The following PARVB variants were observed in gnomAD, a reference collection of about 807,000 sequenced individuals.
PARVB encodes the protein beta-parvin.
Under a neutral mutation model 47.0 loss-of-function variants are expected in PARVB, and 46 were observed. The observed-to-expected ratio is 0.98, with a 90% confidence interval of 0.77 to 1.25. The LOEUF (loss-of-function observed/expected upper bound fraction) is 1.25. Ranked by LOEUF, PARVB falls within the 50% of genes most tolerant of loss-of-function variation. The pLI, the probability that PARVB is intolerant of heterozygous loss-of-function variation, is 0.00. For missense variants in PARVB, 473 were observed against 471.6 expected, an observed-to-expected ratio of 1.00 and a Z score of -0.03; for synonymous variants, 196 against 196.3, an observed-to-expected ratio of 1.00 and a Z score of 0.01.
intron 2 of PARVB, among the ~76,000 whole-genome samples, chr22:44,016,205 T>G (rs1226166246): frequency 2.6e-5 from 4 of 151,340 alleles, no homozygotes; most frequent in African/African-American, 9.7e-5. Context: ...TACGCAATTC[T>G]CCTGCCTCAG....
At chr22:44,166,404 C>G (rs566133187) in intron 12 of PARVB, among the ~76,000 whole-genome samples, 1 of 152,376 alleles carries the variant, frequency 6.6e-6, no homozygotes, top group African/African-American at 2.4e-5. Context: ...GCCACCACAC[C>G]TGGCCCTTTG....
intron 1 of PARVB, among the ~76,000 whole-genome samples, chr22:44,070,805 G>A (rs573020971): frequency 9.2e-5 from 14 of 152,298 alleles, no homozygotes; most frequent in Admixed American, 2.6e-4. Flanking sequence ...GACCCTGCCC[G>A]CACCTCCTGG....
intron 3 of PARVB, among the ~76,000 whole-genome samples, chr22:44,118,141 A>T (rs1255189301): frequency 6.6e-6 from 1 of 152,218 alleles, no homozygotes; most frequent in Non-Finnish European, 1.5e-5. Context: ...AATACCTAAA[A>T]AGGGGTGATA....
chr22:44,134,767 A>G (rs2053406899), intron 6 of PARVB, among the ~76,000 whole-genome samples: 1 of 152,162 alleles, frequency 6.6e-6, no homozygotes. Flanking sequence ...GGAAGGAAGG[A>G]AAGGGCCTTA....
At chr22:44,146,541 G>A (rs1038028891) in intron 8 of PARVB, 3 of 152,338 alleles carry the variant, frequency 2.0e-5, no homozygotes, top group Non-Finnish European at 2.9e-5. Context: ...GGCTGGGCAG[G>A]GGGGTGTGAG....
intron 1 of PARVB, among the ~76,000 whole-genome samples, chr22:44,080,614 G>A (rs1218782778): frequency 1.3e-5 from 2 of 152,162 alleles, no homozygotes; most frequent in Non-Finnish European, 2.9e-5. Flanking sequence ...ACTCCCTCTT[G>A]CCATGCAAAG....
At position 44,026,978 on chromosome 22, in the gene PARVB, G is replaced by A. The variant is rs554840964; in HGVS notation, c.112+2527G>A. 2.0e-5 allele frequency among the ~76,000 whole-genome samples: 3 copies of A among 152,058 alleles called. No homozygotes were observed. The South Asian group carries it at 6.3e-4, about 32-fold the overall frequency. On this transcript the variant is annotated intron_variant, in intron 1 of 12. Coordinates refer to ENST00000338758, the MANE Select transcript of PARVB (RefSeq NM_013327.5). ...GAGGAGAGGGGTTAGGAAATGTGGG[G>A]CCCTGGGGTTTGGAGGAAGCAGTGC...
chr22:44,063,288 G>C (rs2051454316), intron 1 of PARVB, among the ~76,000 whole-genome samples: 1 of 151,154 alleles, frequency 6.6e-6, no homozygotes, highest in Admixed American at 6.6e-5. Flanking sequence ...GTGCAGTGGT[G>C]TGATCTCAGC....
In PARVB at chr22:44,042,150, G is replaced by C. The variant is rs147313232; in HGVS notation, c.112+17699G>C. The stretch of plus-strand genomic sequence containing the variant: ...ACTTAAGAAAATCTAGGCTGGGCGC[G>C]GTGGCTCATGCCTGTAATCCCAGCA... On this transcript the variant is annotated intron_variant, in intron 1 of 12. Coordinates refer to ENST00000338758, the MANE Select transcript of PARVB (RefSeq NM_013327.5). Among the ~76,000 whole-genome samples the C allele has an allele frequency of 8.4e-3, 1,275 of 152,096 alleles. 17 individuals carry two copies. The highest frequency in any genetic ancestry group is 0.029 in the African/African-American group (1,205 of 41,466).
chr22:44,133,642 G>T (rs576155269), intron 6 of PARVB, among the ~76,000 whole-genome samples: 65 of 152,280 alleles, frequency 4.3e-4, no homozygotes, highest in African/African-American at 1.4e-3. Flanking sequence ...GGGCTCAAGC[G>T]GTCCTCCCGC....
intron 11 of PARVB, among the ~76,000 whole-genome samples, chr22:44,160,293 C>T (rs757980694): frequency 3.3e-5 from 5 of 152,192 alleles, no homozygotes; most frequent in African/African-American, 7.2e-5. Flanking sequence ...CTCAGCATTA[C>T]TGGATGAGGA....
chr22:44,157,409 C>G (rs962973162), intron 10 of PARVB, among the ~76,000 whole-genome samples: 1 of 152,202 alleles, frequency 6.6e-6, no homozygotes, highest in African/African-American at 2.4e-5. Flanking sequence ...GGCAGCTGCA[C>G]TCAGCTCCAA....
intron 3 of PARVB, among the ~76,000 whole-genome samples, chr22:44,118,382 C>A (rs2052961601): frequency 6.6e-6 from 1 of 152,182 alleles, no homozygotes; most frequent in Admixed American, 6.5e-5. Context: ...TAGATCGAAT[C>A]ACACACTTTT....
chr22:44,026,255 T>C (rs1239070089), intron 1 of PARVB: 2 of 938,284 alleles, frequency 2.1e-6, no homozygotes, highest in African/African-American at 3.6e-5. Flanking sequence ...AGGCCCAGCC[T>C]GGTTTAATTC....
At chr22:44,093,413 G>A (rs148566194) in intron 1 of PARVB, among the ~76,000 whole-genome samples, 174 of 152,328 alleles carry the variant, frequency 1.1e-3, no homozygotes, top group Middle Eastern at 6.8e-3. Flanking sequence ...TGACCCGGGT[G>A]TTCCATCAGA....
intron 1 of PARVB, among the ~76,000 whole-genome samples, chr22:44,070,670 A>G (rs130311): frequency 0.48 from 73,620 of 152,064 alleles, 18,619 homozygotes; most frequent in East Asian, 0.75. Context: ...CTCACATTAT[A>G]TGAGGCTCTT....
intron 1 of PARVB, among the ~76,000 whole-genome samples, chr22:44,033,673 A>G (rs1244162303): frequency 6.6e-6 from 1 of 152,196 alleles, no homozygotes; most frequent in East Asian, 1.9e-4. Context: ...AAGCAACGCC[A>G]TCTTAGGAAT....
chr22:44,153,210 G>A (rs1177831855), intron 10 of PARVB: 1 of 152,238 alleles, frequency 6.6e-6, no homozygotes, highest in Non-Finnish European at 1.5e-5. Context: ...AGAAGCCACT[G>A]AGGTGAAAAG....
intron 2 of PARVB, among the ~76,000 whole-genome samples, chr22:44,006,940 C>T (rs1458646419): frequency 5.3e-5 from 8 of 152,246 alleles, no homozygotes; most frequent in African/African-American, 1.4e-4. Flanking sequence ...TCACCTTCAT[C>T]GCTGAATCTT....
Sources: gnomAD v4.1 joint callset for allele counts (sites outside exome capture counted in the v4.1 genomes callset) on GRCh38, gnomAD v4.1.1 for gene constraint, MANE v1.5 for transcripts, NCBI Gene and HGNC (gene_info 2026-07-23, HGNC 2026-07-21) for gene names.